Variants in PLG observed in about 807,000 individuals in gnomAD.
PLG encodes the protein plasminogen.
In PLG, 41 loss-of-function variants were observed where a neutral mutation model predicts 104.4. The observed-to-expected ratio is 0.39, with a 90% CI of 0.31 to 0.51. The LOEUF is 0.51. Among genes scored for constraint, PLG ranks in the 20% least tolerant of loss-of-function variants. The pLI, the probability that PLG is intolerant of heterozygous loss-of-function variation, is 0.76. For synonymous variants in PLG, 337 were observed against 357.1 expected (o/e 0.94, Z 0.63); for missense variants, 891 against 1,003.6 (o/e 0.89, Z 1.52).
chr6:160,706,423 G>T lies in PLG; in HGVS notation c.66G>T (p.Leu22=). The T allele has an allele frequency of 6.2e-7, 1 of 1,613,324 alleles. No individual in the cohort carries two copies. The highest frequency in any genetic ancestry group is 8.5e-7 in the Non-Finnish European group (1 of 1,179,596). The stretch of plus-strand genomic sequence containing the variant: ...CACCTCTAGGTCAAGGAGAGCCTCT[G>T]GATGACTATGTGAATACCCAGGGGG... ...LFLKSGQGEP[L]DDYVNTQGAS... The change falls in exon 2 of 19, where the codon CTG becomes CTT. Residue 22 remains leucine, a synonymous_variant. Coordinates refer to ENST00000308192, the MANE Select transcript of PLG (RefSeq NM_000301.5).
At chr6:160,711,337 A>C in intron 4 of PLG, 146 bp downstream of exon 4, 1 of 758,356 alleles carries the variant, frequency 1.3e-6, no homozygotes, top group Non-Finnish European at 2.2e-6. Flanking sequence ...TTTGCATATA[A>C]CCTACATACC....
At position 160,718,326 on chromosome 6, in the gene PLG, C is replaced by G. The variant is rs1447257350; in HGVS notation, c.820C>G (p.Gln274Glu). ...TCCACCATCTTCTGGTCCCACCTAC[C>G]AGTGTCTGAAGGGAACAGGTGAAAA... ...TPPPSSGPTYQCLKGTGENYR... is the reference protein window; with the variant it reads ...TPPPSSGPTYECLKGTGENYR... The change falls in exon 8 of 19, where the codon CAG (glutamine) becomes GAG (glutamate). Residue 274 changes from glutamine (Q) to glutamate (E), a missense_variant. Coordinates refer to ENST00000308192, the MANE Select transcript of PLG (RefSeq NM_000301.5). 1 of 1,613,980 alleles carries G rather than the reference C, an allele frequency of 6.2e-7. No homozygotes were observed.
chr6:160,706,129 T>C (rs1358039377), intron 1 of PLG: 7 of 477,062 alleles, frequency 1.5e-5, no homozygotes, highest in Admixed American at 3.4e-5. Context: ...GTGAGCTAAA[T>C]ACCTACTAAA....
chr6:160,752,815 A>G lies in PLG; in HGVS notation c.2272-85A>G. 7.0e-7 allele frequency: 1 copy of G among 1,437,822 alleles called. No individual in the cohort carries two copies. The allele number at this position is 1,437,822 out of a possible 1,614,324, so 89.1% of individuals were successfully genotyped here. ...CTGATTTCAATTACTGGGAAAATGT[A>G]TATATGGATAGTAGAAGGATGGCAT... is the stretch of plus-strand genomic sequence containing the variant. On this transcript the variant is annotated intron_variant, in intron 18 of 18. Transcript: ENST00000308192. The surrounding 1 kb of genome is among the most constrained non-coding windows in gnomAD (Gnocchi z 4.7).
intron 7 of PLG, among the ~76,000 whole-genome samples, chr6:160,718,018 G>A (rs1194478518): frequency 9.2e-5 from 14 of 152,176 alleles, no homozygotes; most frequent in African/African-American, 2.9e-4. Context: ...TCCGGAGGCC[G>A]AGGTGGGCGG....
rs1387732509 is a variant in PLG, at chr6:160,740,191, G to A, written c.2018+983G>A. Among the ~76,000 whole-genome samples the A allele has an allele frequency of 2.0e-5, 3 of 152,218 alleles. No homozygotes were observed. The highest frequency in any genetic ancestry group is 4.8e-5 in the African/African-American group (2 of 41,466). ...AGCCCAGGGCAGCTTCTCTGGGTCT[G>A]TGAACTGAGGGGTGATGTCCTGGGA... On this transcript the variant is annotated intron_variant, in intron 16 of 18. Coordinates refer to ENST00000308192, the MANE Select transcript of PLG (RefSeq NM_000301.5). The surrounding 1 kb of genome is among the most constrained non-coding windows in gnomAD (Gnocchi z 5.2).
intron 4 of PLG, chr6:160,712,166 T>C (rs2115157244): frequency 5.9e-6 from 1 of 168,892 alleles, no homozygotes; most frequent in African/African-American, 2.4e-5. Flanking sequence ...CTGGGCCATT[T>C]TTATGAGGTA....
chr6:160,746,026 C>T (rs911655672), intron 17 of PLG, among the ~76,000 whole-genome samples: 9 of 152,152 alleles, frequency 5.9e-5, no homozygotes, highest in Admixed American at 1.3e-4. Flanking sequence ...CCTTTGTAGA[C>T]GACCTGTCCT....
At chr6:160,705,644 A>AT (rs1483281412) in intron 1 of PLG, 1 of 152,174 alleles carries the variant, frequency 6.6e-6, no homozygotes, top group Non-Finnish European at 1.5e-5. Context: ...TATTTCCACC[A>AT]TCATCTATGC....
rs545735239 is a variant in PLG at position 160,712,193 on chromosome 6, A to G, written c.408-793A>G. 5.0e-5 allele frequency: 8 copies of G among 159,396 alleles called. No homozygotes were observed. The South Asian group carries it at 1.3e-3, about 25-fold the overall frequency. 9.9% of individuals were successfully genotyped at this position (159,396 alleles called of 1,614,324 possible). Reference sequence around the variant, plus strand: ...TATGAGGTAGTCTAGGCTCATCTTTATGAGGGAACTGAGGTCTCGGGGGGT... The same window carrying G: ...TATGAGGTAGTCTAGGCTCATCTTTGTGAGGGAACTGAGGTCTCGGGGGGT... On this transcript the variant is annotated intron_variant, in intron 4 of 18. Transcript: ENST00000308192.
At chr6:160,748,454 AGG>A in intron 17 of PLG, among the ~76,000 whole-genome samples, 1 of 20,634 alleles carries the variant, frequency 4.8e-5, no homozygotes, top group African/African-American at 2.5e-4. Context: ...GGAGGGAGGG[AGG>A]GAGGGAGGGA....
rs527749801 is a variant in PLG at position 160,744,417 on chromosome 6, T to A, written c.2125+3000T>A. Among the ~76,000 whole-genome samples, 1 of 152,226 alleles carries A rather than the reference T, an allele frequency of 6.6e-6. No individual in the cohort carries two copies. The highest frequency in any genetic ancestry group is 1.5e-5 in the Non-Finnish European group (1 of 68,030). ...GTGTATGTGTCCAGGAATTTATCCATCTCTTTTAGGTTTTCTAGTTTGTGT... is the reference window on the plus strand; with the variant it reads ...GTGTATGTGTCCAGGAATTTATCCAACTCTTTTAGGTTTTCTAGTTTGTGT... On this transcript the variant is annotated intron_variant, in intron 17 of 18. Transcript: ENST00000308192. The surrounding 1 kb of genome is among the most constrained non-coding windows in gnomAD (Gnocchi z 4.5).
Position 160,741,516 on chromosome 6 carries a change from A to T in PLG, c.2125+99A>T. The T allele has an allele frequency of 1.2e-6, 1 of 820,372 alleles. No individual in the cohort carries two copies. Among genetic ancestry groups the T allele is most frequent in the South Asian group, 1.4e-5 (1 of 70,904 alleles). 50.8% of individuals were successfully genotyped at this position (820,372 alleles called of 1,614,324 possible). ...GAGAAAGCTGTGCAAATTCCTATCC[A>T]TGAATGTGGTCCACCCCACTCCTGA... On this transcript the variant is annotated intron_variant, in intron 17 of 18. Coordinates refer to ENST00000308192, the MANE Select transcript of PLG (RefSeq NM_000301.5). The surrounding 1 kb of genome is among the most constrained non-coding windows in gnomAD (Gnocchi z 4.7).
intron 7 of PLG, among the ~76,000 whole-genome samples, chr6:160,717,495 T>C (rs981056906): frequency 3.3e-5 from 5 of 152,202 alleles, no homozygotes; most frequent in African/African-American, 1.2e-4. Context: ...TGTCATCTTT[T>C]TTCCTCAAGA....
At position 160,738,763 on chromosome 6, in the gene PLG, G is replaced by A; in HGVS notation, c.1877+151G>A. 1 of 705,580 alleles carries A rather than the reference G, an allele frequency of 1.4e-6. No individual in the cohort carries two copies. 43.7% of individuals were successfully genotyped at this position (705,580 alleles called of 1,614,324 possible). On this transcript the variant is annotated intron_variant, in intron 15 of 18. Transcript: ENST00000308192. This position sits in a 1 kb window ranked among gnomAD's most constrained non-coding sequence, Gnocchi z 6.8. Reference sequence around the variant, plus strand: ...CAGGCCAGGGCAATTGGATAAGAGAGAAGGGAAGGGTTTCTAGAAAGAAAC... The same window carrying A: ...CAGGCCAGGGCAATTGGATAAGAGAAAAGGGAAGGGTTTCTAGAAAGAAAC...
chr6:160,739,871 C>G lies in PLG; in HGVS notation c.2018+663C>G, dbSNP rs1778159914. 6.6e-6 allele frequency among the ~76,000 whole-genome samples: 1 copy of G among 151,302 alleles called. No individual in the cohort carries two copies. Among genetic ancestry groups the G allele is most frequent in the African/African-American group, 2.4e-5 (1 of 41,212 alleles). On this transcript the variant is annotated intron_variant, in intron 16 of 18. Coordinates refer to ENST00000308192, the MANE Select transcript of PLG (RefSeq NM_000301.5). This position sits in a 1 kb window ranked among gnomAD's most constrained non-coding sequence, Gnocchi z 4.4. ...ATGTAAATTATATTATTATTATTGT[C>G]TTCTTTGATTTGATTTTCTCTTTCC...
At chr6:160,705,866 A>C (rs4063609) in intron 1 of PLG, 2 of 155,854 alleles carry the variant, frequency 1.3e-5, no homozygotes, top group South Asian at 4.0e-4. Context: ...TGGCACAATC[A>C]ATAGCAAACA....
At position 160,741,863 on chromosome 6, in the gene PLG, C is replaced by T. The variant is rs559093299; in HGVS notation, c.2125+446C>T. Among the ~76,000 whole-genome samples, 1 of 152,250 alleles carries T rather than the reference C, an allele frequency of 6.6e-6. No individual in the cohort carries two copies. The highest frequency in any genetic ancestry group is 2.4e-5 in the African/African-American group (1 of 41,550). On this transcript the variant is annotated intron_variant, in intron 17 of 18. Transcript: ENST00000308192. The surrounding 1 kb of genome is among the most constrained non-coding windows in gnomAD (Gnocchi z 4.7). ...GTGTCTGTTGCTCTCTTCTTTGTGTCCATGAGTTCTCATCACTTAGCTCCC... is the reference window on the plus strand; with the variant it reads ...GTGTCTGTTGCTCTCTTCTTTGTGTTCATGAGTTCTCATCACTTAGCTCCC...
At chr6:160,749,876 C>G (rs893186269) in intron 17 of PLG, among the ~76,000 whole-genome samples, 5 of 148,578 alleles carry the variant, frequency 3.4e-5, no homozygotes, top group Non-Finnish European at 3.0e-5. Flanking sequence ...TTATCACAAC[C>G]CTCATCATCA....
Sources: gnomAD v4.1 joint callset for allele counts (sites outside exome capture counted in the v4.1 genomes callset) on GRCh38, gnomAD v4.1.1 for gene constraint, Gnocchi (gnomAD v3.1) non-coding constraint, MANE v1.5 for transcripts, NCBI Gene and HGNC (gene_info 2026-07-23, HGNC 2026-07-21) for gene names.